Variants in PRKG1 observed in about 807,000 individuals in gnomAD.
The protein encoded by PRKG1 is protein kinase cGMP-dependent 1.
In PRKG1, 35 loss-of-function variants were observed where a neutral mutation model predicts 88.1. That is an observed-to-expected ratio of 0.40 (90% CI 0.30 to 0.53). The LOEUF (loss-of-function observed/expected upper bound fraction) is 0.53, where lower values mean the gene tolerates loss of function less well. PRKG1 is among the 20% of genes least tolerant of loss of function. The pLI, the probability that PRKG1 is intolerant of heterozygous loss-of-function variation, is 0.59. For synonymous variants in PRKG1, 303 were observed against 292.5 expected (o/e 1.04, Z -0.37); for missense variants, 540 against 839.8 (o/e 0.64, Z 4.41).
At chr10:51,172,624 G>A (rs184593891) in intron 2 of PRKG1, among the ~76,000 whole-genome samples, 1 of 62,814 alleles carries the variant, frequency 1.6e-5, no homozygotes, top group African/African-American at 5.2e-5. Context: ...ATGTATGTAT[G>A]TATGTATGTA....
intron 8 of PRKG1, among the ~76,000 whole-genome samples, chr10:52,155,788 A>G (rs1320735127): frequency 6.6e-6 from 1 of 151,444 alleles, no homozygotes; most frequent in African/African-American, 2.4e-5. Context: ...AGATGATTTC[A>G]TTTGATTATT....
rs1554822455 is a variant in PRKG1, at chr10:51,570,067, A to ACATATATATATATATATATG, written c.592+102231_592+102232insCATATATATATATATATATG. Among the ~76,000 whole-genome samples, 150 of 113,108 alleles carry ACATATATATATATATATATG rather than the reference A, an allele frequency of 1.3e-3. 6 individuals carry two copies. The highest frequency in any genetic ancestry group is 5.3e-3 in the African/African-American group (146 of 27,790). The allele number at this position is 113,108 out of a possible 152,430, so 74.2% of individuals were successfully genotyped here. A position where few individuals can be genotyped will look rare whatever the true frequency, so the allele number is the denominator to read the frequency against. Reference sequence around the variant, plus strand: ...CAAACTAGTATATATATATATATATATGTGTGTGTGTGTTTATATATGTAT... The same window carrying ACATATATATATATATATATG: ...CAAACTAGTATATATATATATATATACATATATATATATATATATGTGTGTGTGTGTGTTTATATATGTAT... On this transcript the variant is annotated intron_variant, in intron 3 of 17. Coordinates refer to ENST00000373980, the MANE Select transcript of PRKG1 (RefSeq NM_006258.4).
intron 1 of PRKG1, among the ~76,000 whole-genome samples, chr10:51,143,855 T>A (rs547543237): frequency 1.1e-4 from 16 of 152,214 alleles, no homozygotes; most frequent in Middle Eastern, 3.4e-3. Flanking sequence ...TTGAGTTTCT[T>A]ATTTATTTTG....
At chr10:51,992,350 C>A (rs2133130754) in intron 5 of PRKG1, among the ~76,000 whole-genome samples, 1 of 152,090 alleles carries the variant, frequency 6.6e-6, no homozygotes, top group East Asian at 1.9e-4. Context: ...CTAAGTATTT[C>A]CTGTTTCTTT....
At chr10:52,206,075 T>C (rs898651923) in intron 9 of PRKG1, among the ~76,000 whole-genome samples, 1 of 151,080 alleles carries the variant, frequency 6.6e-6, no homozygotes, top group Non-Finnish European at 1.5e-5. Flanking sequence ...TTTGATCTCT[T>C]TACATTATCC....
At chr10:52,149,371 C>T (rs1837837203) in intron 8 of PRKG1, among the ~76,000 whole-genome samples, 1 of 151,962 alleles carries the variant, frequency 6.6e-6, no homozygotes, top group South Asian at 2.1e-4. Context: ...CATTGGTGTT[C>T]CCTCATTAGA....
chr10:51,239,070 A>T (rs1839080579), intron 2 of PRKG1, among the ~76,000 whole-genome samples: 1 of 152,134 alleles, frequency 6.6e-6, no homozygotes, highest in African/African-American at 2.4e-5. Context: ...AATAACTATG[A>T]TTTTGAAAAC....
chr10:51,714,018 T>C (rs990798100), intron 3 of PRKG1, among the ~76,000 whole-genome samples: 1 of 152,194 alleles, frequency 6.6e-6, no homozygotes, highest in Non-Finnish European at 1.5e-5. Context: ...CTCACTCTGT[T>C]GCCCAGACTG....
At chr10:52,105,606 A>T (rs187221010) in intron 7 of PRKG1, among the ~76,000 whole-genome samples, 1,525 of 152,110 alleles carry the variant, frequency 0.01, 23 homozygotes, top group African/African-American at 0.031. Flanking sequence ...ATTTTTTTTC[A>T]AAGTTAATAC....
At chr10:51,511,037 C>T (rs2132060001) in intron 3 of PRKG1, among the ~76,000 whole-genome samples, 1 of 152,034 alleles carries the variant, frequency 6.6e-6, no homozygotes. Flanking sequence ...CAGGCGTGAG[C>T]CGCTGCGCCT....
intron 3 of PRKG1, among the ~76,000 whole-genome samples, chr10:51,731,693 A>G (rs1842274036): frequency 6.6e-6 from 1 of 152,242 alleles, no homozygotes; most frequent in African/African-American, 2.4e-5. Flanking sequence ...AATTGAATAT[A>G]TAATTTTGTC....
chr10:51,027,869 C>A (rs1843228385), intron 1 of PRKG1, among the ~76,000 whole-genome samples: 1 of 152,136 alleles, frequency 6.6e-6, no homozygotes, highest in African/African-American at 2.4e-5. Context: ...TCTTCCCTGT[C>A]AGCTCATTTT....
At chr10:51,955,771 T>C (rs1843288537) in intron 5 of PRKG1, among the ~76,000 whole-genome samples, 2 of 152,182 alleles carry the variant, frequency 1.3e-5, no homozygotes, top group Non-Finnish European at 2.9e-5. Flanking sequence ...TTATGTATAA[T>C]TTCCCCCAGA....
At chr10:51,597,907 A>G (rs919285730) in intron 3 of PRKG1, among the ~76,000 whole-genome samples, 4 of 152,222 alleles carry the variant, frequency 2.6e-5, no homozygotes, top group African/African-American at 9.6e-5. Context: ...ATTGCTATGT[A>G]CAATTATTTA....
At chr10:52,244,840 A>G (rs1428297927) in intron 9 of PRKG1, among the ~76,000 whole-genome samples, 2 of 32,088 alleles carry the variant, frequency 6.2e-5, no homozygotes, top group South Asian at 1.9e-3. Flanking sequence ...ACTTTAATAT[A>G]TATTTAAATA....
chr10:51,605,323 T>A (rs1208168625), intron 3 of PRKG1, among the ~76,000 whole-genome samples: 1 of 152,088 alleles, frequency 6.6e-6, no homozygotes, highest in African/African-American at 2.4e-5. Context: ...CTCACTTAGG[T>A]CCGTAGGCAC....
chr10:51,013,893 T>C (rs1292577200), intron 1 of PRKG1, among the ~76,000 whole-genome samples: 1 of 152,204 alleles, frequency 6.6e-6, no homozygotes, highest in East Asian at 1.9e-4. Context: ...AACTGAGCAC[T>C]ATTTGTTTTA....
chr10:52,030,217 C>T (rs1845442981), intron 5 of PRKG1, among the ~76,000 whole-genome samples: 1 of 152,106 alleles, frequency 6.6e-6, no homozygotes, highest in African/African-American at 2.4e-5. Context: ...GTGTGCATAC[C>T]ATGCTACTTC....
chr10:51,160,334 T>C (rs7907338), intron 2 of PRKG1, among the ~76,000 whole-genome samples: 10,195 of 152,238 alleles, frequency 0.067, 711 homozygotes, highest in African/African-American at 0.17. Context: ...CTGCTATTGA[T>C]GGTATCCTGA....
Sources: gnomAD v4.1 joint callset for allele counts (sites outside exome capture counted in the v4.1 genomes callset) on GRCh38, gnomAD v4.1.1 for gene constraint, MANE v1.5 for transcripts, NCBI Gene and HGNC (gene_info 2026-07-23, HGNC 2026-07-21) for gene names.